Variants in CRYBG3 observed in about 807,000 individuals in gnomAD.
CRYBG3 encodes very large A-kinase anchor protein.
Under a neutral mutation model 244.2 loss-of-function variants are expected in CRYBG3, and 127 were observed. The ratio of observed to expected loss-of-function variants is 0.52; its 90% CI spans 0.45 to 0.60. The LOEUF is 0.60. Ranked by LOEUF, CRYBG3 falls within the 20% of genes least tolerant of loss-of-function variation. The pLI is 0.00. For synonymous variants in CRYBG3, 1,132 were observed against 1,195.8 expected (o/e 0.95, Z 1.10); for missense variants, 3,325 against 3,442.5 (o/e 0.97, Z 0.85).
chr3:97,822,316 G>A lies in CRYBG3; in HGVS notation c.110G>A (p.Gly37Glu), dbSNP rs1409574139. 2.0e-6 allele frequency: 3 copies of A among 1,517,794 alleles called. No individual in the cohort carries two copies. Among genetic ancestry groups the A allele is most frequent in the Non-Finnish European group, 2.6e-6 (3 of 1,138,360 alleles). 94.0% of individuals were successfully genotyped at this position (1,517,794 alleles called of 1,614,324 possible). ...GAAGAGGAAGAGGAGGAGAGGCCGG[G>A]GACGAGCCCGCCTCCAGCTCCAGGC... ...DKEEEEEERP[G>E]TSPPPAPGRS... Residue 37 changes from glycine to glutamate, a missense_variant, in exon 1 of 22, where the codon GGG becomes GAG. Physicochemically the swap from Gly to Glu is moderately conservative, Grantham distance 98 (BLOSUM62 -2). Coordinates refer to ENST00000389622, the MANE Select transcript of CRYBG3 (RefSeq NM_153605.4).
chr3:97,864,246 T>C lies in CRYBG3; in HGVS notation c.246T>C (p.His82=). Residue 82 remains histidine (H), a synonymous_variant, in exon 3 of 22, where the codon CAT becomes CAC. Transcript: ENST00000389622. ...GCCAAAGTGAGGACAAAAGGAACCA[T>C]GCTGAGAAGCCAGTCACTCTTCCAG... ...KIRQSEDKRN[H]AEKPVTLPVQ... 1.1e-5 allele frequency: 16 copies of C among 1,518,198 alleles called. No homozygotes were observed. Among genetic ancestry groups the C allele is most frequent in the Non-Finnish European group, 1.4e-5 (16 of 1,140,968 alleles). The allele number at this position is 1,518,198 out of a possible 1,614,324, so 94.0% of individuals were successfully genotyped here. A position where few individuals can be genotyped will look rare whatever the true frequency, so the allele number is the denominator to read the frequency against.
chr3:97,939,016 A>G (rs1195716128), intron 19 of CRYBG3, among the ~76,000 whole-genome samples: 9 of 152,040 alleles, frequency 5.9e-5, no homozygotes, highest in Non-Finnish European at 7.4e-5. Context: ...TTTACTAACT[A>G]CATAATAATG....
At position 97,877,568 on chromosome 3, in the gene CRYBG3, C is replaced by T. The variant is rs750959339; in HGVS notation, c.6374C>T (p.Ser2125Phe). The T allele has an allele frequency of 3.0e-5, 48 of 1,613,956 alleles. 1 individual carries two copies. In the Admixed American group the frequency reaches 3.7e-4, roughly 12 times the overall value. Reference protein sequence around the residue: ...DSENQSSSVLSLLQSVSERLK... With the variant: ...DSENQSSSVLFLLQSVSERLK... ...GAAAACCAGTCCTCTTCTGTTTTAT[C>T]CCTTCTCCAGTCAGTGTCAGAACGT... Residue 2125 changes from serine to phenylalanine, a missense_variant, in exon 4 of 22, where the codon TCC (serine) becomes TTC (phenylalanine). Physicochemically the swap from Ser to Phe is radical, Grantham distance 155 (BLOSUM62 -2). Coordinates refer to ENST00000389622, the MANE Select transcript of CRYBG3 (RefSeq NM_153605.4).
chr3:97,874,178 C>T lies in CRYBG3; in HGVS notation c.2984C>T (p.Pro995Leu). The change falls in exon 4 of 22, where the codon CCT (proline) becomes CTT (leucine). Residue 995 changes from proline (P) to leucine (L), a missense_variant. Coordinates refer to ENST00000389622, the MANE Select transcript of CRYBG3 (RefSeq NM_153605.4). ...MAELSLTNISPKFQETGSMKV... is the reference protein window; with the variant it reads ...MAELSLTNISLKFQETGSMKV... The stretch of plus-strand genomic sequence containing the variant: ...GAACTCAGCTTAACTAATATTTCCC[C>T]TAAATTCCAAGAAACTGGCAGCATG... 2 of 1,529,952 alleles carry T rather than the reference C, an allele frequency of 1.3e-6. No individual in the cohort carries two copies. Among genetic ancestry groups the T allele is most frequent in the Non-Finnish European group, 1.7e-6 (2 of 1,145,408 alleles). 94.8% of individuals were successfully genotyped at this position (1,529,952 alleles called of 1,614,324 possible). A position where few individuals can be genotyped will look rare whatever the true frequency, so the allele number is the denominator to read the frequency against.
chr3:97,848,788 C>T (rs147558709), intron 2 of CRYBG3, among the ~76,000 whole-genome samples: 3 of 152,136 alleles, frequency 2.0e-5, no homozygotes, highest in Admixed American at 6.6e-5. Context: ...GTCAGTTTAA[C>T]GTACAGATTT....
chr3:97,892,815 A>G (rs770233501), intron 10 of CRYBG3, 45 bp from the exon 11 acceptor site: 11 of 1,033,136 alleles, frequency 1.1e-5, no homozygotes, highest in South Asian at 3.5e-5. Context: ...ACTTAAGTAA[A>G]TATGTGTCTA....
At chr3:97,895,831 C>A in intron 11 of CRYBG3, 128 bp from the exon 12 acceptor site, 1 of 766,356 alleles carries the variant, frequency 1.3e-6, no homozygotes, top group Non-Finnish European at 2.0e-6. Context: ...ATAAATGAAA[C>A]AAAACTAATG....
chr3:97,924,170 C>T (rs2040014693), intron 17 of CRYBG3: 2 of 313,898 alleles, frequency 6.4e-6, no homozygotes, highest in Admixed American at 9.9e-5. Flanking sequence ...AACAGCATTC[C>T]AATGGAGCTA....
chr3:97,935,229 T>A (rs572505596), intron 18 of CRYBG3, among the ~76,000 whole-genome samples: 1 of 152,202 alleles, frequency 6.6e-6, no homozygotes, highest in East Asian at 1.9e-4. Context: ...ACTGTGGAAT[T>A]CATTTAAATC....
Position 97,876,542 on chromosome 3 carries a change from A to C in CRYBG3, c.5348A>C (p.Lys1783Thr), listed in dbSNP as rs1480743672. 8.1e-7 allele frequency: 1 copy of C among 1,232,144 alleles called. No homozygotes were observed. The highest frequency in any genetic ancestry group is 1.6e-5 in the African/African-American group (1 of 64,438). 76.3% of individuals were successfully genotyped at this position (1,232,144 alleles called of 1,614,324 possible). A position where few individuals can be genotyped will look rare whatever the true frequency, so the allele number is the denominator to read the frequency against. The change falls in exon 4 of 22, where the codon AAA becomes ACA. Residue 1783 changes from lysine (K) to threonine (T), a missense_variant. Around this residue, in one of 4 missense-constraint regions of CRYBG3, gnomAD observed 635 missense variants for 771.7 expected, o/e 0.82. Transcript: ENST00000389622. ...GGGAACACTGAAGGGTCTGTGTTGA[A>C]AATGGAAGCTACTTACCGAAAGACT... Reference protein sequence around the residue: ...FTGNTEGSVLKMEATYRKTAE... With the variant: ...FTGNTEGSVLTMEATYRKTAE...
At chr3:97,865,927 C>T (rs1165792288) in intron 3 of CRYBG3, among the ~76,000 whole-genome samples, 1 of 151,680 alleles carries the variant, frequency 6.6e-6, no homozygotes, top group Non-Finnish European at 1.5e-5. Flanking sequence ...ATAACATAAG[C>T]AATAATAAAT....
chr3:97,907,239 A>G (rs2039787500), intron 15 of CRYBG3, among the ~76,000 whole-genome samples: 1 of 152,176 alleles, frequency 6.6e-6, no homozygotes, highest in Non-Finnish European at 1.5e-5. Context: ...TGGCTTTGGT[A>G]TCAGAATGAT....
intron 2 of CRYBG3, among the ~76,000 whole-genome samples, chr3:97,859,533 T>C (rs994211225): frequency 2.6e-5 from 4 of 152,236 alleles, no homozygotes; most frequent in African/African-American, 9.6e-5. Flanking sequence ...ATGCCCATAA[T>C]AGTATCTTGT....
In CRYBG3 at chr3:97,872,933, A is replaced by C. The variant is rs1576535885; in HGVS notation, c.1739A>C (p.His580Pro). 6.5e-7 allele frequency: 1 copy of C among 1,529,950 alleles called. No homozygotes were observed. Among genetic ancestry groups the C allele is most frequent in the Admixed American group, 2.0e-5 (1 of 49,488 alleles). The allele number at this position is 1,529,950 out of a possible 1,614,324, so 94.8% of individuals were successfully genotyped here. A position where few individuals can be genotyped will look rare whatever the true frequency, so the allele number is the denominator to read the frequency against. The change falls in exon 4 of 22, where the codon CAT (histidine) becomes CCT (proline). Residue 580 changes from histidine to proline, a missense_variant. His to Pro is a moderately conservative substitution (Grantham distance 77). Transcript: ENST00000389622. Reference sequence around the variant, plus strand: ...TTTAGGTCACATGATAAAATTCCTCATATTAGAATGAATAAAAAAGACCTG... The same window carrying C: ...TTTAGGTCACATGATAAAATTCCTCCTATTAGAATGAATAAAAAAGACCTG... ...LDFRSHDKIP[H>P]IRMNKKDLAS...
At chr3:97,847,370 G>C (rs1393433682) in intron 2 of CRYBG3, among the ~76,000 whole-genome samples, 1 of 152,166 alleles carries the variant, frequency 6.6e-6, no homozygotes, top group African/African-American at 2.4e-5. Flanking sequence ...TATCCACAGT[G>C]TTAAACAGAA....
rs545439951 is a variant in CRYBG3, at chr3:97,881,100, C to G, written c.7033C>G (p.Arg2345Gly). The change falls in exon 7 of 22, where the codon CGA becomes GGA. Residue 2345 changes from arginine to glycine, a missense_variant. By Grantham distance (125) the Arg-to-Gly change is moderately radical. Around this residue, in one of 4 missense-constraint regions of CRYBG3, gnomAD observed 714 missense variants for 803.6 expected, o/e 0.89. Coordinates refer to ENST00000389622, the MANE Select transcript of CRYBG3 (RefSeq NM_153605.4). ...CWILYEKPHFRGQKCVLEEGE... is the reference protein window; with the variant it reads ...CWILYEKPHFGGQKCVLEEGE... ...GATTTTATATGAGAAACCACATTTC[C>G]GAGGTCAGAAATGTGTGCTAGAAGA... 10 of 1,600,528 alleles carry G rather than the reference C, an allele frequency of 6.2e-6. No individual in the cohort carries two copies. The East Asian group carries it at 2.2e-4, about 36-fold the overall frequency.
intron 7 of CRYBG3, among the ~76,000 whole-genome samples, chr3:97,881,463 C>A (rs2108224356): frequency 6.6e-6 from 1 of 152,146 alleles, no homozygotes; most frequent in Non-Finnish European, 1.5e-5. Flanking sequence ...TGCCTGTAAT[C>A]CCAGCACTTT....
chr3:97,894,657 G>A (rs1418143319), intron 11 of CRYBG3, among the ~76,000 whole-genome samples: 5 of 152,070 alleles, frequency 3.3e-5, no homozygotes, highest in Non-Finnish European at 7.4e-5. Flanking sequence ...TAATAAATTT[G>A]CGAATCTTAA....
At chr3:97,832,143 A>G (rs944084929) in intron 1 of CRYBG3, among the ~76,000 whole-genome samples, 8 of 151,740 alleles carry the variant, frequency 5.3e-5, no homozygotes, top group Admixed American at 2.6e-4. Context: ...AAAGTAATTT[A>G]TAGATTCAAT....
Sources: allele counts gnomAD v4.1 joint callset (sites outside exome capture counted in the v4.1 genomes callset), GRCh38; gene constraint gnomAD v4.1.1; regional missense constraint gnomAD v4.1.1; transcripts MANE v1.5; gene names NCBI Gene and HGNC (gene_info 2026-07-23, HGNC 2026-07-21).